The following OTOGL variants were observed in gnomAD, a reference collection of about 807,000 sequenced individuals.
The protein encoded by OTOGL is otogelin-like protein.
A neutral mutation model predicts 318.5 loss-of-function variants in OTOGL; 285 were observed. That is an observed-to-expected ratio of 0.89 (90% confidence interval 0.81 to 0.99). OTOGL has a LOEUF of 0.99. Ranked by LOEUF, OTOGL falls within the 50% of genes least tolerant of loss-of-function variation. The pLI, the probability that OTOGL is intolerant of heterozygous loss-of-function variation, is 0.00. For missense variants in OTOGL, 2,899 were observed against 2,845.6 expected (o/e 1.02, Z -0.43); for synonymous variants, 987 against 936.5 (o/e 1.05, Z -0.99).
chr12:80,110,067 C>CTT (rs35589524), intron 1 of OTOGL, among the ~76,000 whole-genome samples: 18 of 103,724 alleles, frequency 1.7e-4, no homozygotes, highest in South Asian at 6.1e-4. Flanking sequence ...TTCTTTCTTT[C>CTT]TTTTTTTTTT....
At position 80,198,492 on chromosome 12, in the gene OTOGL, G is replaced by A. The variant is rs563890368; in HGVS notation, c.-19-10921G>A. 3.9e-5 allele frequency among the ~76,000 whole-genome samples: 6 copies of A among 152,274 alleles called. No individual in the cohort carries two copies. The South Asian group carries it at 1.2e-3, about 32-fold the overall frequency. ...CCAGCTACCTGGGAGGCTGAGGCAGGAGAATGGCTTGAACCCAGGAATTGG... is the reference window on the plus strand; with the variant it reads ...CCAGCTACCTGGGAGGCTGAGGCAGAAGAATGGCTTGAACCCAGGAATTGG... On this transcript the variant is annotated intron_variant, in intron 1 of 58. Transcript: ENST00000547103.
intron 3 of OTOGL, 82 bp from the exon 4 acceptor site, chr12:80,211,867 A>G: frequency 8.8e-7 from 1 of 1,139,370 alleles, no homozygotes. Flanking sequence ...TCAGGAGGAA[A>G]ACACCAGCTC....
chr12:80,162,620 C>T (rs1214096197), intron 1 of OTOGL, among the ~76,000 whole-genome samples: 15 of 152,050 alleles, frequency 9.9e-5, no homozygotes, highest in South Asian at 2.1e-4. Flanking sequence ...TGTAGATGGC[C>T]GTCATCTCCC....
At chr12:80,197,784 C>T (rs1876180278) in intron 1 of OTOGL, among the ~76,000 whole-genome samples, 2 of 152,238 alleles carry the variant, frequency 1.3e-5, no homozygotes, top group African/African-American at 2.4e-5. Flanking sequence ...TGGCATCTTT[C>T]TCCTTCCCAC....
chr12:80,336,433 G>T lies in OTOGL; in HGVS notation c.4621G>T (p.Glu1541Ter). ...ECPCRCSMLS[E>*]LSIITFDGNN... ...TATAGGTCGGTGTTCCATGTTGTCA[G>T]AACTGAGCATTATTACATTTGATGG... Residue 1541 changes from glutamate (E) to a stop codon, truncating the protein, a stop_gained, in exon 40 of 59, where the codon GAA becomes TAA. Transcript: ENST00000547103. LOFTEE classifies it high-confidence loss of function. 1 of 1,607,986 alleles carries T rather than the reference G, an allele frequency of 6.2e-7. No homozygotes were observed.
intron 11 of OTOGL, among the ~76,000 whole-genome samples, chr12:80,247,100 C>T (rs1880975759): frequency 7.3e-6 from 1 of 136,198 alleles, no homozygotes; most frequent in Non-Finnish European, 1.5e-5. Flanking sequence ...TTTGTTGATC[C>T]TTTCAAAAAA....
At position 80,210,906 on chromosome 12, in the gene OTOGL, C is replaced by T. The variant is rs543655587; in HGVS notation, c.119+20C>T. ...ATCAAAGTGAGTATTTCTTGTTCTT[C>T]GTGTCCTCTAAAACATAAAGTTAAT... On this transcript the variant is annotated intron_variant, in intron 3 of 58. Coordinates refer to ENST00000547103, the MANE Select transcript of OTOGL (RefSeq NM_001378609.3). 111 of 1,450,170 alleles carry T rather than the reference C, an allele frequency of 7.7e-5. 1 individual carries two copies. The highest frequency in any genetic ancestry group is 6.9e-4 in the Middle Eastern group (4 of 5,788). The allele number at this position is 1,450,170 out of a possible 1,614,324, so 89.8% of individuals were successfully genotyped here. A position where few individuals can be genotyped will look rare whatever the true frequency, so the allele number is the denominator to read the frequency against.
chr12:80,245,110 T>C, intron 11 of OTOGL, among the ~76,000 whole-genome samples: 1 of 102,614 alleles, frequency 9.7e-6, no homozygotes, highest in African/African-American at 4.7e-5. Context: ...ATGTTGTAGG[T>C]TGCCTGTTCA....
At chr12:80,242,934 G>A (rs897745271) in intron 11 of OTOGL, among the ~76,000 whole-genome samples, 4 of 152,036 alleles carry the variant, frequency 2.6e-5, no homozygotes, top group Non-Finnish European at 2.9e-5. Context: ...GAATTATGCC[G>A]TCCTGTTTCT....
At position 80,323,143 on chromosome 12, in the gene OTOGL, CACACATAT is replaced by C. The variant is rs1442481403; in HGVS notation, c.4082-578_4082-571del. 3.4e-3 allele frequency among the ~76,000 whole-genome samples: 125 copies of C among 36,782 alleles called. 1 individual carries two copies. Among genetic ancestry groups the C allele is most frequent in the Non-Finnish European group, 6.2e-3 (75 of 12,168 alleles). 24.1% of individuals were successfully genotyped at this position (36,782 alleles called of 152,430 possible). A position where few individuals can be genotyped will look rare whatever the true frequency, so the allele number is the denominator to read the frequency against. On this transcript the variant is annotated intron_variant, in intron 34 of 58. Transcript: ENST00000547103. ...ACACACACACACACACACACACACACACACATATATAAAATATTTTGAATTTTCCTCAG... is the reference window on the plus strand; with the variant it reads ...ACACACACACACACACACACACACACATAAAATATTTTGAATTTTCCTCAG...
intron 1 of OTOGL, among the ~76,000 whole-genome samples, chr12:80,174,938 C>CAA (rs5799456): frequency 2.1e-4 from 32 of 149,908 alleles, no homozygotes; most frequent in East Asian, 7.9e-4. Context: ...GGTAAACAAA[C>CAA]AAAAAAAAAC....
At chr12:80,200,972 T>C (rs1876412495) in intron 1 of OTOGL, among the ~76,000 whole-genome samples, 1 of 152,170 alleles carries the variant, frequency 6.6e-6, no homozygotes. Flanking sequence ...TTAAATTTAA[T>C]CTAGAAGAGA....
intron 7 of OTOGL, among the ~76,000 whole-genome samples, 172 bp downstream of exon 7, chr12:80,222,417 T>C (rs1052496824): frequency 2.0e-4 from 31 of 152,216 alleles, no homozygotes; most frequent in Admixed American, 6.5e-5. Flanking sequence ...CCTTCCTTCC[T>C]GATACTTCCA....
chr12:80,175,908 A>G (rs1226033327), intron 1 of OTOGL, among the ~76,000 whole-genome samples: 8 of 152,230 alleles, frequency 5.3e-5, no homozygotes, highest in Admixed American at 5.2e-4. Flanking sequence ...GTTGACTTGA[A>G]GACAGAAAAC....
At chr12:80,176,922 T>C (rs1376322680) in intron 1 of OTOGL, among the ~76,000 whole-genome samples, 1 of 152,184 alleles carries the variant, frequency 6.6e-6, no homozygotes, top group East Asian at 1.9e-4. Flanking sequence ...ATTGGTAATT[T>C]TGATTTTAAC....
At chr12:80,165,299 A>G (rs1448773992) in intron 1 of OTOGL, among the ~76,000 whole-genome samples, 1 of 152,146 alleles carries the variant, frequency 6.6e-6, no homozygotes, top group Non-Finnish European at 1.5e-5. Context: ...ATTTATTCTA[A>G]TCTTTGCTGT....
chr12:80,183,079 A>G (rs1408334655), intron 1 of OTOGL, among the ~76,000 whole-genome samples: 2 of 152,232 alleles, frequency 1.3e-5, no homozygotes, highest in South Asian at 2.1e-4. Flanking sequence ...AAATTTTTAT[A>G]AAAATATATA....
At chr12:80,226,757 G>A (rs1878893966) in intron 7 of OTOGL, among the ~76,000 whole-genome samples, 1 of 152,134 alleles carries the variant, frequency 6.6e-6, no homozygotes, top group African/African-American at 2.4e-5. Context: ...GCCAGTGTTT[G>A]TAGTGGTGAT....
chr12:80,233,007 C>G lies in OTOGL; in HGVS notation c.727C>G (p.Leu243Val), dbSNP rs773556754. ...TTGGGACGGGATATCTGGGATCTAC[C>G]TCAAGCTGTCTGAGGACCATAAGGG... ...LAWDGISGIY[L>V]KLSEDHKGKS... Residue 243 changes from leucine to valine, a missense_variant, in exon 9 of 59, where the codon CTC becomes GTC. This residue lies in a region of OTOGL where 2,607 missense variants were observed against 2,524.9 expected (regional missense o/e 1.03). Coordinates refer to ENST00000547103, the MANE Select transcript of OTOGL (RefSeq NM_001378609.3). 6.3e-7 allele frequency: 1 copy of G among 1,598,554 alleles called. No individual in the cohort carries two copies. The highest frequency in any genetic ancestry group is 1.7e-5 in the Admixed American group (1 of 59,984).
Sources: gnomAD v4.1 joint callset for allele counts (sites outside exome capture counted in the v4.1 genomes callset) on GRCh38, gnomAD v4.1.1 for gene constraint, gnomAD v4.1.1 regional missense constraint, MANE v1.5 for transcripts, NCBI Gene and HGNC (gene_info 2026-07-23, HGNC 2026-07-21) for gene names.